The following AFF2 variants were observed in gnomAD, a reference collection of about 807,000 sequenced individuals.
The protein encoded by AFF2 is ALF transcription elongation factor 2.
AFF2 carries 14 observed loss-of-function variants against 76.9 expected under a neutral mutation model. The ratio of observed to expected loss-of-function variants is 0.18; its 90% CI spans 0.12 to 0.28. The LOEUF is 0.28. AFF2 is among the 10% of genes least tolerant of loss of function. The pLI is 1.00. For missense variants in AFF2, 868 were observed against 1,001.1 expected, an observed-to-expected ratio of 0.87 and a Z score of 1.79; for synonymous variants, 398 against 366.7, an observed-to-expected ratio of 1.09 and a Z score of -0.98.
intron 3 of AFF2, among the ~76,000 whole-genome samples, chrX:148,806,006 G>T (rs1408877086): frequency 8.9e-6 from 1 of 112,391 alleles, no homozygotes; most frequent in Non-Finnish European, 1.9e-5. Flanking sequence ...GCTAACTTGC[G>T]CTTTGTGGAC....
intron 3 of AFF2, among the ~76,000 whole-genome samples, chrX:148,706,702 C>A (rs2054888943): frequency 8.9e-6 from 1 of 112,600 alleles, no homozygotes; most frequent in Non-Finnish European, 1.9e-5. Flanking sequence ...ATGCTTATGG[C>A]TTCCTATGCC....
chrX:148,960,547 T>A (rs1330102447), intron 12 of AFF2, among the ~76,000 whole-genome samples: 1 of 112,662 alleles, frequency 8.9e-6, no homozygotes, highest in Non-Finnish European at 1.9e-5. Flanking sequence ...CTGGAAAACT[T>A]TCTGGAGTTG....
chrX:148,995,488 G>GGT lies in AFF2; in HGVS notation c.*4157_*4158insTG, dbSNP rs1265828894. On this transcript the variant is annotated 3_prime_UTR_variant, in exon 21 of 21. Coordinates refer to ENST00000370460, the MANE Select transcript of AFF2 (RefSeq NM_002025.4). ...AGGGCAGAAAGGGGGTGGGGGTGGGGGCGGGGGGGTGGGGGGTGGGGAAGC... is the reference window on the plus strand; with the variant it reads ...AGGGCAGAAAGGGGGTGGGGGTGGGGGTGCGGGGGGGTGGGGGGTGGGGAAGC... 248 of 92,510 alleles carry GGT rather than the reference G, an allele frequency of 2.7e-3. 2 individuals are homozygous for GGT. The highest frequency in any genetic ancestry group is 9.1e-3 in the African/African-American group (217 of 23,745). 7.6% of individuals were successfully genotyped at this position (92,510 alleles called of 1,213,427 possible).
chrX:148,958,300 G>GCATT (rs782746257), intron 11 of AFF2, 37 bp from the exon 12 acceptor site: 1 of 1,206,084 alleles, frequency 8.3e-7, no homozygotes, highest in Non-Finnish European at 1.1e-6. Context: ...ATGGTGCCAT[G>GCATT]CATTTCAAGC....
intron 8 of AFF2, among the ~76,000 whole-genome samples, chrX:148,898,480 A>C (rs1557280559): frequency 8.9e-6 from 1 of 112,227 alleles, no homozygotes; most frequent in East Asian, 2.8e-4. Flanking sequence ...AATAGAAATC[A>C]AGTTAGCAGT....
chrX:148,580,710 AAC>A (rs2053344897), intron 1 of AFF2, among the ~76,000 whole-genome samples: 1 of 99,068 alleles, frequency 1.0e-5, no homozygotes, highest in Non-Finnish European at 2.0e-5. Context: ...ACAAGTTCAT[AAC>A]AGTTTTATAT....
chrX:148,722,289 T>G (rs1203294086), intron 3 of AFF2, among the ~76,000 whole-genome samples: 7 of 111,451 alleles, frequency 6.3e-5, no homozygotes, highest in African/African-American at 9.8e-5. Context: ...TGTCAGAGTA[T>G]GGATTTCCCA....
At chrX:148,850,044 T>A (rs1271372508) in intron 7 of AFF2, among the ~76,000 whole-genome samples, 1 of 111,541 alleles carries the variant, frequency 9.0e-6, no homozygotes, top group Non-Finnish European at 1.9e-5. Context: ...TGAAGACAGA[T>A]CTGTCCTCAA....
intron 7 of AFF2, among the ~76,000 whole-genome samples, chrX:148,856,478 A>G (rs781788084): frequency 9.0e-6 from 1 of 110,637 alleles, no homozygotes; most frequent in East Asian, 2.9e-4. Context: ...CCAGTAAGAG[A>G]CCCCTTAACC....
chrX:148,945,278 G>A (rs1289988523), intron 9 of AFF2, among the ~76,000 whole-genome samples: 1 of 112,165 alleles, frequency 8.9e-6, no homozygotes, highest in Non-Finnish European at 1.9e-5. Context: ...GAATCTGATA[G>A]AAATTGTTCA....
At chrX:148,959,803 C>T (rs1338028042) in intron 12 of AFF2, among the ~76,000 whole-genome samples, 1 of 112,310 alleles carries the variant, frequency 8.9e-6, no homozygotes, top group Non-Finnish European at 1.9e-5. Flanking sequence ...GATGGTAAGA[C>T]GTGGTCATTC....
intron 1 of AFF2, among the ~76,000 whole-genome samples, chrX:148,592,278 G>C (rs969610471): frequency 2.7e-5 from 3 of 111,490 alleles, no homozygotes; most frequent in African/African-American, 9.8e-5. Flanking sequence ...CTGGAGCTGA[G>C]TCCATAGCAG....
chrX:148,574,791 G>A (rs188940597), intron 1 of AFF2, among the ~76,000 whole-genome samples: 64 of 111,330 alleles, frequency 5.7e-4, no homozygotes, highest in African/African-American at 1.5e-3. Flanking sequence ...TTACCTTGTC[G>A]TTTAACTCTC....
At chrX:148,516,551 T>A (rs2052537071) in intron 1 of AFF2, among the ~76,000 whole-genome samples, 1 of 111,544 alleles carries the variant, frequency 9.0e-6, no homozygotes, top group Non-Finnish European at 1.9e-5. Context: ...GCCCTCAGAG[T>A]TGAGCAACTA....
intron 1 of AFF2, among the ~76,000 whole-genome samples, chrX:148,613,315 G>A (rs1391931360): frequency 4.5e-5 from 5 of 111,735 alleles, no homozygotes; most frequent in Non-Finnish European, 9.4e-5. Context: ...TTATGCACTT[G>A]GATGCAGAAT....
intron 1 of AFF2, among the ~76,000 whole-genome samples, chrX:148,603,068 A>G (rs2053641344): frequency 8.9e-6 from 1 of 111,848 alleles, no homozygotes; most frequent in African/African-American, 3.2e-5. Context: ...GTCAAGGGTA[A>G]TGTCAGCAGC....
intron 16 of AFF2, among the ~76,000 whole-genome samples, chrX:148,975,943 C>CAAAAAAAAA (rs59057839): frequency 8.8e-5 from 2 of 22,717 alleles, no homozygotes; most frequent in African/African-American, 1.9e-4. Context: ...GACTCCGTCT[C>CAAAAAAAAA]AAAAAAAAAA....
At chrX:148,641,394 A>G (rs2054087940) in intron 1 of AFF2, among the ~76,000 whole-genome samples, 1 of 111,910 alleles carries the variant, frequency 8.9e-6, no homozygotes, top group Non-Finnish European at 1.9e-5. Context: ...TTCATTTAAC[A>G]CCCACAAGTT....
At chrX:148,579,149 T>C (rs1264321521) in intron 1 of AFF2, among the ~76,000 whole-genome samples, 3 of 111,937 alleles carry the variant, frequency 2.7e-5, no homozygotes, top group Non-Finnish European at 5.6e-5. Context: ...CTTTGAGTGA[T>C]CCAGCAGCAG....
Sources: gnomAD v4.1 joint callset for allele counts (sites outside exome capture counted in the v4.1 genomes callset) on GRCh38, gnomAD v4.1.1 for gene constraint, MANE v1.5 for transcripts, NCBI Gene and HGNC (gene_info 2026-07-23, HGNC 2026-07-21) for gene names.